GLIS3: variants seen among roughly 807,000 people sequenced by gnomAD.
GLIS3 encodes the protein zinc finger protein GLIS3.
Under a neutral mutation model 78.6 loss-of-function variants are expected in GLIS3, and 53 were observed. The observed-to-expected ratio is 0.67, with a 90% confidence interval of 0.54 to 0.85. The LOEUF (loss-of-function observed/expected upper bound fraction) is 0.85. Among genes scored for constraint, GLIS3 ranks in the 40% least tolerant of loss-of-function variants. The pLI, the probability that GLIS3 is intolerant of heterozygous loss-of-function variation, is 0.00. For missense variants in GLIS3, 1,703 were observed against 1,231.1 expected, an observed-to-expected ratio of 1.38 and a Z score of -5.74; for synonymous variants, 684 against 509.9, an observed-to-expected ratio of 1.34 and a Z score of -4.60.
At chr9:3,923,522 T>A (rs1052122238) in intron 6 of GLIS3, among the ~76,000 whole-genome samples, 1 of 151,494 alleles carries the variant, frequency 6.6e-6, no homozygotes, top group Non-Finnish European at 1.5e-5. Context: ...AAGGTCACCA[T>A]GGAAAAGCAG....
At chr9:4,317,653 TA>T (rs1161530745) in intron 2 of GLIS3, among the ~76,000 whole-genome samples, 4 of 152,210 alleles carry the variant, frequency 2.6e-5, no homozygotes, top group Non-Finnish European at 4.4e-5. Flanking sequence ...GTATCTTTTT[TA>T]AAAATCAGCA....
At chr9:3,855,965 A>AG (rs397766987) in intron 9 of GLIS3, 44 bp downstream of exon 9, 13 of 1,595,436 alleles carry the variant, frequency 8.1e-6, no homozygotes, top group Non-Finnish European at 9.5e-6. Context: ...CAACAGCACA[A>AG]TGTCACTTTT....
At chr9:4,193,402 T>C (rs886508064) in intron 2 of GLIS3, among the ~76,000 whole-genome samples, 27 of 152,192 alleles carry the variant, frequency 1.8e-4, no homozygotes. Flanking sequence ...ACAGAAACCA[T>C]ATGGCCTAAG....
At chr9:4,221,130 A>C (rs1211837105) in intron 2 of GLIS3, among the ~76,000 whole-genome samples, 3 of 152,210 alleles carry the variant, frequency 2.0e-5, no homozygotes, top group Non-Finnish European at 4.4e-5. Flanking sequence ...CAAAATGCCT[A>C]CAACTCACTC....
At chr9:4,317,375 GTGGGATGCAGCCTCCACACACA>G (rs1263981560) in intron 2 of GLIS3, among the ~76,000 whole-genome samples, 1 of 152,126 alleles carries the variant, frequency 6.6e-6, no homozygotes, top group Admixed American at 6.5e-5. Context: ...TTTAATCACT[GTGGGATGCAGCCTCCACACACA>G]TTTCCCGAGA....
the GLIS3 span, among the ~76,000 whole-genome samples, chr9:4,484,910 TC>T: frequency 7.3e-5 from 11 of 151,402 alleles, no homozygotes; most frequent in African/African-American, 2.7e-4. Context: ...TAACCAACCA[TC>T]GGTCCAGAGG....
intron 9 of GLIS3, among the ~76,000 whole-genome samples, chr9:3,842,188 C>T (rs1034944612): frequency 1.3e-5 from 2 of 152,124 alleles, no homozygotes; most frequent in Non-Finnish European, 2.9e-5. Flanking sequence ...TAAAAGACTT[C>T]CCCAGCTGGG....
At chr9:4,121,829 C>T (rs1216708586) in intron 3 of GLIS3, among the ~76,000 whole-genome samples, 3 of 152,182 alleles carry the variant, frequency 2.0e-5, no homozygotes, top group South Asian at 2.1e-4. Context: ...ACACAAGCTA[C>T]GATGGGCACC....
the GLIS3 span, among the ~76,000 whole-genome samples, chr9:4,395,610 C>A: frequency 1.3e-5 from 2 of 152,114 alleles, no homozygotes; most frequent in African/African-American, 2.4e-5. Flanking sequence ...TCAGTACAAA[C>A]CCCTAGTTGA....
intron 4 of GLIS3, among the ~76,000 whole-genome samples, chr9:3,969,423 G>T (rs661726): frequency 6.6e-6 from 1 of 151,946 alleles, no homozygotes; most frequent in Non-Finnish European, 1.5e-5. Context: ...GATTTACTAA[G>T]GCCCAATGTT....
chr9:4,191,652 G>A (rs1191593829), intron 2 of GLIS3, among the ~76,000 whole-genome samples: 1 of 152,006 alleles, frequency 6.6e-6, no homozygotes, highest in Non-Finnish European at 1.5e-5. Context: ...ACAGAGCCTG[G>A]CCTTCTGCCT....
At chr9:4,031,802 G>C (rs1480430365) in intron 4 of GLIS3, among the ~76,000 whole-genome samples, 1 of 152,188 alleles carries the variant, frequency 6.6e-6, no homozygotes, top group Non-Finnish European at 1.5e-5. Context: ...ATTAGAAATT[G>C]TTCCAATGGT....
At chr9:4,018,967 C>T (rs1029035269) in intron 4 of GLIS3, among the ~76,000 whole-genome samples, 2 of 152,144 alleles carry the variant, frequency 1.3e-5, no homozygotes, top group African/African-American at 4.8e-5. Flanking sequence ...CTCTGGGTCT[C>T]GAAGTCCTAT....
At chr9:4,397,729 G>GA in the GLIS3 span, among the ~76,000 whole-genome samples, 3 of 115,190 alleles carry the variant, frequency 2.6e-5, no homozygotes, top group African/African-American at 1.1e-4. Context: ...AGGGAGGGAG[G>GA]GAGGAAAAGA....
At chr9:3,960,094 G>A (rs1394327374) in intron 4 of GLIS3, among the ~76,000 whole-genome samples, 1 of 152,164 alleles carries the variant, frequency 6.6e-6, no homozygotes, top group African/African-American at 2.4e-5. Flanking sequence ...CCGAGATGGA[G>A]CCACTGCACT....
chr9:4,194,718 G>A (rs1387235207), intron 2 of GLIS3, among the ~76,000 whole-genome samples: 1 of 152,194 alleles, frequency 6.6e-6, no homozygotes, highest in Non-Finnish European at 1.5e-5. Context: ...CCCAGTACCT[G>A]AGAGAGGGAG....
intron 2 of GLIS3, among the ~76,000 whole-genome samples, chr9:4,182,485 A>G (rs1264834717): frequency 6.6e-6 from 1 of 152,246 alleles, no homozygotes; most frequent in African/African-American, 2.4e-5. Flanking sequence ...ATATTTTATC[A>G]TCAGTGACAG....
intron 4 of GLIS3, among the ~76,000 whole-genome samples, chr9:4,093,076 ATGT>A (rs1414099255): frequency 6.6e-6 from 1 of 152,124 alleles, no homozygotes; most frequent in Admixed American, 6.6e-5. Context: ...TTTGACCAAC[ATGT>A]TGTTATGTGG....
intron 4 of GLIS3, among the ~76,000 whole-genome samples, chr9:3,954,956 G>C (rs1816993134): frequency 2.6e-5 from 4 of 152,174 alleles, no homozygotes; most frequent in Admixed American, 2.6e-4. Context: ...GAATAAGCCG[G>C]TGGATAAAAA....
Sources: gnomAD v4.1 joint callset for allele counts (sites outside exome capture counted in the v4.1 genomes callset) on GRCh38, gnomAD v4.1.1 for gene constraint, MANE v1.5 for transcripts, NCBI Gene and HGNC (gene_info 2026-07-23, HGNC 2026-07-21) for gene names.